The following TGFA variants were observed in gnomAD, a reference collection of about 807,000 sequenced individuals.
The protein encoded by TGFA is transforming growth factor alpha.
In TGFA, 12 loss-of-function variants were observed where a neutral mutation model predicts 21.7. That is an observed-to-expected ratio of 0.55 (90% CI 0.35 to 0.90). The LOEUF is 0.90. TGFA is among the 40% of genes least tolerant of loss of function. The pLI, the probability that TGFA is intolerant of heterozygous loss-of-function variation, is 0.01. For missense variants in TGFA, 178 were observed against 210.8 expected, an observed-to-expected ratio of 0.84 and a Z score of 0.96; for synonymous variants, 79 against 88.1, an observed-to-expected ratio of 0.90 and a Z score of 0.58.
rs556200240 is a variant in TGFA, at chr2:70,538,472, AT to A, written c.40+15255del. On this transcript the variant is annotated intron_variant, in intron 1 of 5. Transcript: ENST00000295400. Reference sequence around the variant, plus strand: ...CTAGATGACATTAAGAACATTTGTAATTCATGGGAATAGGTCAAAATATCAA... The same window carrying A: ...CTAGATGACATTAAGAACATTTGTAATCATGGGAATAGGTCAAAATATCAA... Among the ~76,000 whole-genome samples, 613 of 152,360 alleles carry A rather than the reference AT, an allele frequency of 4.0e-3. 3 individuals are homozygous for A. The highest frequency in any genetic ancestry group is 6.1e-3 in the Non-Finnish European group (416 of 68,044).
intron 2 of TGFA, among the ~76,000 whole-genome samples, chr2:70,469,300 G>A (rs918564357): frequency 8.5e-5 from 13 of 152,096 alleles, no homozygotes; most frequent in Admixed American, 5.9e-4. Context: ...ATACTGTAAT[G>A]TTTGCCCTGC....
At chr2:70,450,951 A>G (rs1027145861) in intron 5 of TGFA, 85 bp from the exon 6 acceptor site, 1 of 1,509,398 alleles carries the variant, frequency 6.6e-7, no homozygotes, top group Non-Finnish European at 9.1e-7. Context: ...AGACTTGGAG[A>G]TGGCAGAGCC....
intron 2 of TGFA, among the ~76,000 whole-genome samples, chr2:70,488,072 CAT>C (rs553544458): frequency 9.2e-5 from 14 of 152,072 alleles, no homozygotes; most frequent in Non-Finnish European, 2.1e-4. Flanking sequence ...AGATTTTTTT[CAT>C]ATGATTATTA....
intron 2 of TGFA, 34 bp downstream of exon 2, chr2:70,514,825 A>G (rs1672218742): frequency 6.2e-7 from 1 of 1,610,492 alleles, no homozygotes; most frequent in East Asian, 2.2e-5. Context: ...CCCTTCCCAC[A>G]CACGATCCAC....
At chr2:70,459,744 C>T (rs1393371188) in intron 3 of TGFA, among the ~76,000 whole-genome samples, 4 of 152,262 alleles carry the variant, frequency 2.6e-5, no homozygotes, top group Admixed American at 6.5e-5. Flanking sequence ...GCTTTAAAAC[C>T]GCCCCAGCAG....
intron 1 of TGFA, among the ~76,000 whole-genome samples, chr2:70,530,882 C>G (rs1350890374): frequency 6.6e-6 from 1 of 152,216 alleles, no homozygotes; most frequent in African/African-American, 2.4e-5. Flanking sequence ...CAGCCCAAGA[C>G]TGTGCTCTCC....
chr2:70,454,566 C>T (rs1474224535), intron 4 of TGFA, among the ~76,000 whole-genome samples: 1 of 152,210 alleles, frequency 6.6e-6, no homozygotes, highest in Non-Finnish European at 1.5e-5. Flanking sequence ...TGGACTTGTC[C>T]TTGTCACTTC....
At chr2:70,536,682 GGGATGCAGCAAAAGCAGTGCTTA>G (rs1672977622) in intron 1 of TGFA, among the ~76,000 whole-genome samples, 1 of 152,176 alleles carries the variant, frequency 6.6e-6, no homozygotes, top group Non-Finnish European at 1.5e-5. Flanking sequence ...CAAAATGTGT[GGGATGCAGCAAAAGCAGTGCTTA>G]GAGGAAGATT....
chr2:70,518,624 C>G (rs1553501903), intron 1 of TGFA, among the ~76,000 whole-genome samples: 1 of 152,198 alleles, frequency 6.6e-6, no homozygotes, highest in African/African-American at 2.4e-5. Context: ...AGGATACCCC[C>G]ACTCCAACTC....
chr2:70,505,232 G>T (rs1173715982), intron 2 of TGFA, among the ~76,000 whole-genome samples: 1 of 151,838 alleles, frequency 6.6e-6, no homozygotes, highest in Non-Finnish European at 1.5e-5. Context: ...CTCTCTGTGG[G>T]GTCTCACACA....
At chr2:70,510,243 A>G (rs1553500758) in intron 2 of TGFA, among the ~76,000 whole-genome samples, 8 of 152,202 alleles carry the variant, frequency 5.3e-5, no homozygotes. Flanking sequence ...AGTTCCAGCA[A>G]CTAGAATCTT....
At chr2:70,473,677 T>C (rs1439893000) in intron 2 of TGFA, among the ~76,000 whole-genome samples, 2 of 103,122 alleles carry the variant, frequency 1.9e-5, no homozygotes, top group Non-Finnish European at 4.0e-5. Context: ...TTTTGCTGTC[T>C]TAGAGGGGGG....
intron 1 of TGFA, among the ~76,000 whole-genome samples, chr2:70,539,558 G>A (rs1673076821): frequency 6.6e-6 from 1 of 152,162 alleles, no homozygotes; most frequent in African/African-American, 2.4e-5. Context: ...AGGTTCAAGC[G>A]ATTCTCCTGT....
rs1457774016 is a variant in TGFA, at chr2:70,553,693, C to T, written c.40+35G>A. ...GGGGACCGGGGGAAGCAGGGTGTCG[C>T]GCGGCGCAGGGGGCGCCGCAGCCGG... On this transcript the variant is annotated intron_variant, in intron 1 of 5. Transcript: ENST00000295400. The T allele has an allele frequency of 4.5e-6, 6 of 1,333,948 alleles. No individual in the cohort carries two copies. In the African/African-American group the frequency reaches 9.2e-5, roughly 20 times the overall value. 82.6% of individuals were successfully genotyped at this position (1,333,948 alleles called of 1,614,324 possible). A position where few individuals can be genotyped will look rare whatever the true frequency, so the allele number is the denominator to read the frequency against.
intron 3 of TGFA, among the ~76,000 whole-genome samples, chr2:70,463,061 T>G (rs1374160867): frequency 1.3e-5 from 2 of 152,048 alleles, no homozygotes; most frequent in African/African-American, 4.8e-5. Context: ...GGGCAGCAGC[T>G]GGGAGCATGG....
chr2:70,518,161 A>C (rs1672344363), intron 1 of TGFA, among the ~76,000 whole-genome samples: 1 of 152,250 alleles, frequency 6.6e-6, no homozygotes, highest in Non-Finnish European at 1.5e-5. Context: ...GTTTCAAAGC[A>C]GGTCCTTGCC....
intron 2 of TGFA, among the ~76,000 whole-genome samples, chr2:70,485,246 C>G (rs565428314): frequency 1.5e-4 from 23 of 152,244 alleles, no homozygotes; most frequent in African/African-American, 4.3e-4. Flanking sequence ...TCATCCCCCC[C>G]CTTTCTTTTT....
Position 70,450,797 on chromosome 2 carries a change from GA to G in TGFA, c.*61del. ...CAGGCATCTCTGGCAGTGCTGTCCTGAAGAAGCCTTTCTTTATTGATCTGCC... is the reference window on the plus strand; with the variant it reads ...CAGGCATCTCTGGCAGTGCTGTCCTGAGAAGCCTTTCTTTATTGATCTGCC... On this transcript the variant is annotated 3_prime_UTR_variant, in exon 6 of 6. Transcript: ENST00000295400. 1 of 1,585,872 alleles carries G rather than the reference GA, an allele frequency of 6.3e-7. No homozygotes were observed. Among genetic ancestry groups the G allele is most frequent in the African/African-American group, 1.3e-5 (1 of 74,776 alleles).
At chr2:70,504,463 T>TATATATATACATATAC in intron 2 of TGFA, among the ~76,000 whole-genome samples, 1 of 48,968 alleles carries the variant, frequency 2.0e-5, no homozygotes, top group Admixed American at 1.8e-4. Flanking sequence ...TATATATATA[T>TATATATATACATATAC]ACACACATAC....
Sources: gnomAD v4.1 joint callset for allele counts (sites outside exome capture counted in the v4.1 genomes callset) on GRCh38, gnomAD v4.1.1 for gene constraint, MANE v1.5 for transcripts, NCBI Gene and HGNC (gene_info 2026-07-23, HGNC 2026-07-21) for gene names.